The following ODAD4 variants were observed in gnomAD, a reference collection of about 807,000 sequenced individuals.
ODAD4 encodes the protein outer dynein arm docking complex subunit 4.
ODAD4 carries 49 observed loss-of-function variants against 51.8 expected under a neutral mutation model. The observed-to-expected ratio is 0.95, with a 90% CI of 0.75 to 1.20. The LOEUF is 1.20. Ranked by LOEUF, ODAD4 falls within the 50% of genes most tolerant of loss-of-function variation. The pLI is 0.00. For missense variants in ODAD4, 590 were observed against 586.5 expected (o/e 1.01, Z -0.06); for synonymous variants, 235 against 221.3 (o/e 1.06, Z -0.55).
At chr17:41,960,038 C>G (rs534847791) in intron 10 of ODAD4, among the ~76,000 whole-genome samples, 4 of 152,216 alleles carry the variant, frequency 2.6e-5, no homozygotes, top group African/African-American at 9.7e-5. Flanking sequence ...ATGTACCATG[C>G]GCCACATACT....
At chr17:41,958,753 G>A (rs995747364) in intron 10 of ODAD4, among the ~76,000 whole-genome samples, 11 of 151,828 alleles carry the variant, frequency 7.2e-5, no homozygotes, top group South Asian at 2.1e-4. Flanking sequence ...GGCCGGGTGC[G>A]GTGGCTCACA....
chr17:41,942,852 GTGTTTTGTTTTTTT>G (rs1555638861), intron 7 of ODAD4, among the ~76,000 whole-genome samples: 4 of 152,078 alleles, frequency 2.6e-5, no homozygotes, highest in Non-Finnish European at 4.4e-5. Flanking sequence ...TTTTGTGTGT[GTGTTTTGTTTTTTT>G]TGTTTTGTTT....
chr17:41,943,495 G>A (rs1476793367), intron 7 of ODAD4, among the ~76,000 whole-genome samples: 1 of 152,168 alleles, frequency 6.6e-6, no homozygotes, highest in Admixed American at 6.6e-5. Context: ...TGGGATAGGT[G>A]TACAAAATAC....
chr17:41,941,743 G>GGCGACAGA (rs1388892281), intron 7 of ODAD4, among the ~76,000 whole-genome samples: 1 of 149,722 alleles, frequency 6.7e-6, no homozygotes, highest in Non-Finnish European at 1.5e-5. Context: ...ATAGTGACTG[G>GGCGACAGA]GCGACAGAGC....
At position 41,938,948 on chromosome 17, in the gene ODAD4, C is replaced by T. The variant is rs782479357; in HGVS notation, c.851-17C>T. 4.6e-5 allele frequency: 73 copies of T among 1,604,046 alleles called. No homozygotes were observed. The highest frequency in any genetic ancestry group is 6.1e-5 in the Non-Finnish European group (72 of 1,175,120). The stretch of plus-strand genomic sequence containing the variant: ...GGAGGCTGCCCTGGCCTCCACAGCA[C>T]CCCTTTCCTTTCTCAGTGCTCACAA... On this transcript the variant is annotated splice_polypyrimidine_tract_variant and intron_variant, in intron 6 of 11. Coordinates refer to ENST00000377540, the MANE Select transcript of ODAD4 (RefSeq NM_031421.5).
chr17:41,936,367 G>A, intron 3 of ODAD4, 106 bp from the exon 4 acceptor site: 1 of 798,932 alleles, frequency 1.3e-6, no homozygotes, highest in Non-Finnish European at 2.1e-6. Context: ...CTTTGCCACA[G>A]CCTCCACCAT....
chr17:41,955,386 C>A, intron 10 of ODAD4, 69 bp downstream of exon 10: 1 of 699,404 alleles, frequency 1.4e-6, no homozygotes, highest in South Asian at 1.5e-5. Flanking sequence ...TTCAGTTCCC[C>A]CTCAGCCTGC....
intron 9 of ODAD4, among the ~76,000 whole-genome samples, chr17:41,954,113 G>A (rs1311684440): frequency 1.3e-5 from 2 of 151,974 alleles, no homozygotes; most frequent in African/African-American, 4.8e-5. Flanking sequence ...AGCCTCCCGA[G>A]TAGCTGGGTT....
At chr17:41,939,638 G>GA (rs1386819388) in intron 7 of ODAD4, among the ~76,000 whole-genome samples, 19 of 152,302 alleles carry the variant, frequency 1.2e-4, no homozygotes, top group African/African-American at 4.3e-4. Context: ...ATTCCAGGAG[G>GA]ACTTGATGAC....
chr17:41,962,109 GT>G (rs2050812801), intron 11 of ODAD4, among the ~76,000 whole-genome samples: 1 of 152,212 alleles, frequency 6.6e-6, no homozygotes, highest in Non-Finnish European at 1.5e-5. Flanking sequence ...TAGGCACTGG[GT>G]TAAGCACCAG....
At chr17:41,956,789 G>C (rs1464131127) in intron 10 of ODAD4, among the ~76,000 whole-genome samples, 1 of 152,042 alleles carries the variant, frequency 6.6e-6, no homozygotes. Flanking sequence ...CAGTATGTTG[G>C]CCAGGCTAGT....
chr17:41,964,380 G>T (rs1037367466), intron 11 of ODAD4, among the ~76,000 whole-genome samples: 1 of 151,882 alleles, frequency 6.6e-6, no homozygotes, highest in African/African-American at 2.4e-5. Flanking sequence ...CTTTTCTATC[G>T]ATCTCAGGTC....
intron 11 of ODAD4, among the ~76,000 whole-genome samples, chr17:41,963,641 C>CTT (rs571961236): frequency 9.9e-5 from 14 of 140,794 alleles, no homozygotes; most frequent in African/African-American, 3.1e-4. Flanking sequence ...TCTTTTCTTT[C>CTT]TTTTTTTTTT....
intron 9 of ODAD4, chr17:41,952,540 CAAAAAAAAAAAAAA>C (rs11369140): frequency 2.5e-4 from 29 of 113,862 alleles, no homozygotes; most frequent in African/African-American, 8.7e-4. Context: ...ACCCTCACTC[CAAAAAAAAAAAAAA>C]AAAAAAAAAA....
At chr17:41,951,350 T>C (rs1441426456) in intron 9 of ODAD4, among the ~76,000 whole-genome samples, 2 of 152,208 alleles carry the variant, frequency 1.3e-5, no homozygotes, top group Non-Finnish European at 2.9e-5. Context: ...CCCAAAGTGC[T>C]GGGATTACAG....
intron 9 of ODAD4, among the ~76,000 whole-genome samples, chr17:41,950,621 C>T (rs941921965): frequency 6.6e-6 from 1 of 152,102 alleles, no homozygotes; most frequent in Non-Finnish European, 1.5e-5. Context: ...AGTGATCCAC[C>T]CACCTCAGCC....
rs536833548 is a variant in ODAD4 at position 41,956,301 on chromosome 17, G to A, written c.1443+984G>A. Reference sequence around the variant, plus strand: ...TGACCTCAAATGATCTGTCTGCCTCGGCCTCCCAAAGTGCTGGGATTATAG... The same window carrying A: ...TGACCTCAAATGATCTGTCTGCCTCAGCCTCCCAAAGTGCTGGGATTATAG... On this transcript the variant is annotated intron_variant, in intron 10 of 11. Coordinates refer to ENST00000377540, the MANE Select transcript of ODAD4 (RefSeq NM_031421.5). Among the ~76,000 whole-genome samples the A allele has an allele frequency of 4.6e-5, 7 of 151,506 alleles. No homozygotes were observed. The East Asian group carries it at 7.8e-4, about 17-fold the overall frequency.
chr17:41,939,188 G>T lies in ODAD4; in HGVS notation c.1058+16G>T. 6.2e-7 allele frequency: 1 copy of T among 1,608,990 alleles called. No homozygotes were observed. Among genetic ancestry groups the T allele is most frequent in the Non-Finnish European group, 8.5e-7 (1 of 1,177,480 alleles). On this transcript the variant is annotated intron_variant, in intron 7 of 11. Transcript: ENST00000377540. Reference sequence around the variant, plus strand: ...CCAAGGAATAGTGAGTGCCCTAGGGGAGGCCACTGGCGTGAGCCTACGGAG... The same window carrying T: ...CCAAGGAATAGTGAGTGCCCTAGGGTAGGCCACTGGCGTGAGCCTACGGAG...
Position 41,938,697 on chromosome 17 carries a change from C to T in ODAD4, c.766C>T (p.Gln256Ter). Residue 256 changes from glutamine to a stop codon, truncating the protein, a stop_gained, in exon 6 of 12, where the codon CAA becomes TAA. Transcript: ENST00000377540. LOFTEE classifies it high-confidence loss of function. ...YARERDRKLM[Q>*]EKWLRDHKRR... is the part of the protein sequence containing the mutation. ...CAGGGAGCGGGACCGGAAGCTGATG[C>T]AAGAGAAATGGCTGCGGGACCACAA... is the stretch of plus-strand genomic sequence containing the variant. 1.2e-6 allele frequency: 2 copies of T among 1,613,950 alleles called. No individual in the cohort carries two copies. The highest frequency in any genetic ancestry group is 1.3e-5 in the African/African-American group (1 of 75,040).
Sources: gnomAD v4.1 joint callset for allele counts (sites outside exome capture counted in the v4.1 genomes callset) on GRCh38, gnomAD v4.1.1 for gene constraint, MANE v1.5 for transcripts, NCBI Gene and HGNC (gene_info 2026-07-23, HGNC 2026-07-21) for gene names.